ABCB1: variants seen among roughly 807,000 people sequenced by gnomAD.
ABCB1 encodes the protein ATP-dependent translocase ABCB1.
Under a neutral mutation model 142.0 loss-of-function variants are expected in ABCB1, and 69 were observed. That is an observed-to-expected ratio of 0.49 (90% CI 0.40 to 0.59). The LOEUF (loss-of-function observed/expected upper bound fraction) is 0.59. Ranked by LOEUF, ABCB1 falls within the 20% of genes least tolerant of loss-of-function variation. The pLI, the probability that ABCB1 is intolerant of heterozygous loss-of-function variation, is 0.00. For synonymous variants in ABCB1, 532 were observed against 539.2 expected, an observed-to-expected ratio of 0.99 and a Z score of 0.18; for missense variants, 1,326 against 1,554.7, an observed-to-expected ratio of 0.85 and a Z score of 2.47.
intron 14 of ABCB1, among the ~76,000 whole-genome samples, chr7:87,548,823 A>C (rs1320863915): frequency 6.6e-6 from 1 of 152,186 alleles, no homozygotes; most frequent in African/African-American, 2.4e-5. Context: ...ATAGTCAATA[A>C]CCTGTCATGG....
intron 1 of ABCB1, chr7:87,650,765 C>A: frequency 9.5e-7 from 1 of 1,053,130 alleles, no homozygotes; most frequent in South Asian, 1.3e-5. Context: ...CCATTTTTTT[C>A]ATACTTAGGG....
chr7:87,522,662 A>C (rs1319004579), intron 21 of ABCB1, among the ~76,000 whole-genome samples: 9 of 152,198 alleles, frequency 5.9e-5, no homozygotes. Flanking sequence ...CATTACAACA[A>C]AGGGTTTTAA....
chr7:87,560,771 C>T (rs775992555), intron 8 of ABCB1, among the ~76,000 whole-genome samples: 10 of 152,120 alleles, frequency 6.6e-5, no homozygotes, highest in Non-Finnish European at 2.9e-5. Context: ...TAAAAGGGAA[C>T]AGTTGTAAGC....
intron 6 of ABCB1, among the ~76,000 whole-genome samples, chr7:87,566,564 C>A (rs1817789888): frequency 6.6e-6 from 1 of 152,174 alleles, no homozygotes; most frequent in Admixed American, 6.5e-5. Flanking sequence ...CTGGCAAAGC[C>A]CAGTCCTTCA....
intron 1 of ABCB1, among the ~76,000 whole-genome samples, chr7:87,664,584 G>A (rs1217726725): frequency 6.6e-6 from 1 of 151,962 alleles, no homozygotes; most frequent in African/African-American, 2.4e-5. Flanking sequence ...GAAGAACCAT[G>A]GAAATTTAAA....
intron 8 of ABCB1, among the ~76,000 whole-genome samples, chr7:87,559,183 A>C (rs1254382580): frequency 6.6e-6 from 1 of 152,088 alleles, no homozygotes; most frequent in African/African-American, 2.4e-5. Flanking sequence ...ACTTGCCTAC[A>C]AAATTATCCA....
upstream of ABCB1, among the ~76,000 whole-genome samples, chr7:87,602,155 G>A (rs1487778309): frequency 6.6e-6 from 1 of 151,934 alleles, no homozygotes; most frequent in Non-Finnish European, 1.5e-5. Flanking sequence ...CACCACGCCC[G>A]GCTAATTTTT....
At chr7:87,544,410 T>C (rs1816680611) in intron 16 of ABCB1, 135 bp from the exon 17 acceptor site, 1 of 956,300 alleles carries the variant, frequency 1.0e-6, no homozygotes, top group Non-Finnish European at 1.6e-6. Context: ...ACAATTTTGC[T>C]TTAAAAAATG....
chr7:87,709,623 C>A, intron 1 of ABCB1: 1 of 481,346 alleles, frequency 2.1e-6, no homozygotes, highest in Non-Finnish European at 2.7e-6. Context: ...TCCTTTGTGA[C>A]CTTTCCTATC....
rs780878256 is a variant in ABCB1, at chr7:87,561,214, G to C, written c.827+49C>G. The C allele has an allele frequency of 2.5e-6, 4 of 1,605,928 alleles. No individual in the cohort carries two copies. The East Asian group carries it at 9.0e-5, about 36-fold the overall frequency. ...AACACTGTCAATCTGAAGGGCATTT[G>C]AGAAGACAGAATTTAACATATCTAT... On this transcript the variant is annotated intron_variant, in intron 8 of 27. Transcript: ENST00000622132.
intron 4 of ABCB1, among the ~76,000 whole-genome samples, chr7:87,582,487 T>C (rs1818550472): frequency 6.6e-6 from 1 of 152,244 alleles, no homozygotes; most frequent in Admixed American, 6.5e-5. Context: ...GATGAGGGCA[T>C]GTACTGTGAC....
rs1162987579 is a variant in ABCB1 at position 87,600,290 on chromosome 7, G to C, written c.-6-100C>G. On this transcript the variant is annotated intron_variant, in intron 1 of 27. Transcript: ENST00000622132. ...CCCCGTCGAAGCCAGAGAGCAGTAAGAGGGAGCGCCCGCCGTTGATGCCCC... is the reference window on the plus strand; with the variant it reads ...CCCCGTCGAAGCCAGAGAGCAGTAACAGGGAGCGCCCGCCGTTGATGCCCC... The C allele has an allele frequency of 4.1e-6, 4 of 984,008 alleles. No homozygotes were observed. In the East Asian group the frequency reaches 1.0e-4, roughly 26 times the overall value. 61.0% of individuals were successfully genotyped at this position (984,008 alleles called of 1,614,324 possible).
At chr7:87,709,446 A>G (rs1394252196) in intron 1 of ABCB1, 2 of 985,226 alleles carry the variant, frequency 2.0e-6, no homozygotes, top group Non-Finnish European at 2.4e-6. Flanking sequence ...AGGTTCCCCT[A>G]GGCTTACTCA....
At chr7:87,572,318 C>A (rs1039187554) in intron 4 of ABCB1, among the ~76,000 whole-genome samples, 1 of 152,010 alleles carries the variant, frequency 6.6e-6, no homozygotes, top group Non-Finnish European at 1.5e-5. Context: ...GATAAGAAAC[C>A]AAGATAATTT....
In ABCB1 at chr7:87,541,462, A is replaced by C. The variant is rs1816531764; in HGVS notation, c.2214T>G (p.Val738=). The C allele has an allele frequency of 2.5e-6, 4 of 1,587,578 alleles. No individual in the cohort carries two copies. Among genetic ancestry groups the C allele is most frequent in the Admixed American group, 3.3e-5 (2 of 59,958 alleles). Residue 738 remains valine (V), a splice_region_variant and synonymous_variant, in exon 18 of 28, where the codon GTT becomes GTG. Transcript: ENST00000622132. ...TTTCAGGATCATCAATTCTTGTAAA[A>C]ACCTGTGAGAAAACATTTAAAGGAT... is the stretch of plus-strand genomic sequence containing the variant. ...FAIIFSKIIG[V]FTRIDDPETK...
intron 1 of ABCB1, among the ~76,000 whole-genome samples, chr7:87,615,058 G>A (rs1271840051): frequency 6.6e-6 from 1 of 152,120 alleles, no homozygotes. Context: ...TGTTAGCCAG[G>A]ATGGTCTTGA....
chr7:87,583,102 A>G (rs955574948), intron 4 of ABCB1, among the ~76,000 whole-genome samples: 8 of 152,216 alleles, frequency 5.3e-5, no homozygotes, highest in Admixed American at 2.6e-4. Flanking sequence ...CCATATCATC[A>G]TTGAAAGTTA....
chr7:87,696,088 TTTAAC>T (rs1480146738), intron 1 of ABCB1, among the ~76,000 whole-genome samples: 7 of 152,164 alleles, frequency 4.6e-5, no homozygotes, highest in Admixed American at 1.3e-4. Context: ...TAAAAGCTTG[TTTAAC>T]ATTGGGAAAA....
chr7:87,558,458 C>T (rs1464804536), intron 8 of ABCB1, among the ~76,000 whole-genome samples: 5 of 152,100 alleles, frequency 3.3e-5, no homozygotes, highest in South Asian at 2.1e-4. Flanking sequence ...ACAATCTTAT[C>T]GTCTGTGAAT....
Sources: allele counts gnomAD v4.1 joint callset (sites outside exome capture counted in the v4.1 genomes callset), GRCh38; gene constraint gnomAD v4.1.1; transcripts MANE v1.5; gene names NCBI Gene and HGNC (gene_info 2026-07-23, HGNC 2026-07-21).